TESC: variants seen among roughly 807,000 people sequenced by gnomAD.
TESC encodes the protein calcineurin B homologous protein 3.
TESC carries 19 observed loss-of-function variants against 31.0 expected under a neutral mutation model. The ratio of observed to expected loss-of-function variants is 0.61; its 90% CI spans 0.43 to 0.90. The LOEUF is 0.90. Among genes scored for constraint, TESC ranks in the 40% least tolerant of loss-of-function variants. The pLI, the probability that TESC is intolerant of heterozygous loss-of-function variation, is 0.00. For missense variants in TESC, 248 were observed against 303.8 expected, an observed-to-expected ratio of 0.82 and a Z score of 1.36; for synonymous variants, 109 against 114.8, an observed-to-expected ratio of 0.95 and a Z score of 0.32.
intron 1 of TESC, among the ~76,000 whole-genome samples, chr12:117,078,163 A>C (rs1955098687): frequency 6.6e-6 from 1 of 152,198 alleles, no homozygotes; most frequent in Admixed American, 6.5e-5. Context: ...ACTTGCCCTA[A>C]GTGACCATCA....
chr12:117,049,442 C>T (rs1954615655), intron 3 of TESC, among the ~76,000 whole-genome samples: 1 of 152,154 alleles, frequency 6.6e-6, no homozygotes, highest in Admixed American at 6.5e-5. Context: ...CAGAGGGATG[C>T]GTGGGTGTGT....
chr12:117,067,545 C>A (rs1292336608), intron 2 of TESC, among the ~76,000 whole-genome samples: 8 of 152,172 alleles, frequency 5.3e-5, no homozygotes, highest in Admixed American at 3.9e-4. Context: ...GCACCCCAGT[C>A]TGGACAACAG....
chr12:117,076,523 C>G (rs894421060), intron 1 of TESC, among the ~76,000 whole-genome samples: 5 of 152,026 alleles, frequency 3.3e-5, no homozygotes, highest in African/African-American at 1.2e-4. Flanking sequence ...CAGCTCATTG[C>G]CACCTCTGCC....
intron 2 of TESC, 29 bp from the exon 3 acceptor site, chr12:117,056,915 A>G: frequency 6.2e-7 from 1 of 1,610,916 alleles, no homozygotes; most frequent in Non-Finnish European, 8.5e-7. Flanking sequence ...AGATACCGGG[A>G]AGAGAATAAG....
chr12:117,096,397 G>A (rs1165634901), intron 1 of TESC, among the ~76,000 whole-genome samples: 1 of 152,144 alleles, frequency 6.6e-6, no homozygotes, highest in African/African-American at 2.4e-5. Flanking sequence ...CCCATGCCAA[G>A]CCGATCGTCT....
chr12:117,086,757 T>C (rs1955224581), intron 1 of TESC, among the ~76,000 whole-genome samples: 1 of 152,178 alleles, frequency 6.6e-6, no homozygotes, highest in Non-Finnish European at 1.5e-5. Context: ...AAATTTTATA[T>C]TACATGAATT....
At chr12:117,077,072 G>T (rs2135787991) in intron 1 of TESC, among the ~76,000 whole-genome samples, 1 of 152,272 alleles carries the variant, frequency 6.6e-6, no homozygotes, top group East Asian at 1.9e-4. Flanking sequence ...AATTTCTGGG[G>T]CCAACTGGTC....
rs185305793 is a variant in TESC at position 117,079,971 on chromosome 12, G to A, written c.59-4631C>T. Reference sequence around the variant, plus strand: ...GGCAGACATTAACTGAGCATTTACCGTTTCCTGGCCTCTGTGTTCAACTAC... The same window carrying A: ...GGCAGACATTAACTGAGCATTTACCATTTCCTGGCCTCTGTGTTCAACTAC... On this transcript the variant is annotated intron_variant, in intron 1 of 7. Transcript: ENST00000335209. 2.0e-5 allele frequency among the ~76,000 whole-genome samples: 3 copies of A among 152,216 alleles called. No homozygotes were observed. The East Asian group carries it at 5.8e-4, about 29-fold the overall frequency.
intron 1 of TESC, among the ~76,000 whole-genome samples, chr12:117,082,275 G>A (rs1391992187): frequency 4.0e-5 from 6 of 151,806 alleles, no homozygotes; most frequent in South Asian, 4.2e-4. Context: ...AAGCCGAGGC[G>A]GGTGGATCAC....
chr12:117,073,882 T>C (rs1955012924), intron 2 of TESC, among the ~76,000 whole-genome samples: 1 of 150,716 alleles, frequency 6.6e-6, no homozygotes, highest in South Asian at 2.1e-4. Flanking sequence ...GAGTTCAAGA[T>C]CACCCTGGGT....
chr12:117,038,967 G>C lies in TESC; in HGVS notation c.*166C>G. ...TTTTTTTTTATTGGAGATAAAAACA[G>C]CGAAGTCCCACATACCATACCCTAC... On this transcript the variant is annotated 3_prime_UTR_variant, in exon 8 of 8. Transcript: ENST00000335209. 1 of 561,276 alleles carries C rather than the reference G, an allele frequency of 1.8e-6. No homozygotes were observed. Among genetic ancestry groups the C allele is most frequent in the Non-Finnish European group, 3.0e-6 (1 of 328,504 alleles). 34.8% of individuals were successfully genotyped at this position (561,276 alleles called of 1,614,324 possible).
chr12:117,085,376 G>A (rs1009126809), intron 1 of TESC, among the ~76,000 whole-genome samples: 8 of 152,188 alleles, frequency 5.3e-5, no homozygotes, highest in Admixed American at 2.6e-4. Context: ...GTGTGGATGA[G>A]ACTGAGAGAC....
At chr12:117,059,234 G>A (rs1459044729) in intron 2 of TESC, among the ~76,000 whole-genome samples, 2 of 152,232 alleles carry the variant, frequency 1.3e-5, no homozygotes, top group African/African-American at 4.8e-5. Flanking sequence ...TGAACGCCTT[G>A]TGGCCCCTGT....
chr12:117,078,661 G>A (rs1208663453), intron 1 of TESC, among the ~76,000 whole-genome samples: 1 of 152,144 alleles, frequency 6.6e-6, no homozygotes, highest in Admixed American at 6.6e-5. Flanking sequence ...GCTACCAAGA[G>A]AGCACAACTC....
At chr12:117,089,361 G>T (rs1036236184) in intron 1 of TESC, among the ~76,000 whole-genome samples, 1 of 152,126 alleles carries the variant, frequency 6.6e-6, no homozygotes, top group African/African-American at 2.4e-5. Context: ...TAGGGGGAAG[G>T]GCCAAGGGGA....
In TESC at chr12:117,039,184, G is replaced by A. The variant is rs1246269055; in HGVS notation, c.594C>T (p.Thr198=). 1.9e-6 allele frequency: 3 copies of A among 1,614,042 alleles called. No individual in the cohort carries two copies. Among genetic ancestry groups the A allele is most frequent in the East Asian group, 4.5e-5 (2 of 44,862 alleles). ...LKIWQGIDIE[T]KMHVRFLNME... is the part of the protein sequence containing the mutation. ...TGTTAAGGAAGCGGACGTGCATCTT[G>A]GTCTCAATGTCGATCCCCTGCCAGA... The change falls in exon 8 of 8, where the codon ACC becomes ACT. Residue 198 remains threonine, a synonymous_variant. Transcript: ENST00000335209.
intron 3 of TESC, among the ~76,000 whole-genome samples, chr12:117,049,527 T>C (rs1218006806): frequency 3.3e-5 from 5 of 152,214 alleles, no homozygotes; most frequent in Non-Finnish European, 7.3e-5. Flanking sequence ...TCCTGATCCT[T>C]TCCTTTAGCT....
At chr12:117,099,134 G>A (rs1159839911) in intron 1 of TESC, 91 bp downstream of exon 1, 18 of 1,365,890 alleles carry the variant, frequency 1.3e-5, no homozygotes, top group Non-Finnish European at 1.4e-5. Context: ...CTGGCCCAAG[G>A]TCACACAGCG....
chr12:117,046,586 C>A lies in TESC; in HGVS notation c.492G>T (p.Glu164Asp), dbSNP rs754426994. Reference sequence around the variant, plus strand: ...TCTGCCCCATGCACACGCTGGCCGCCTCCATCATGGCCCCGTCGGCGATGG... The same window carrying A: ...TCTGCCCCATGCACACGCTGGCCGCATCCATCATGGCCCCGTCGGCGATGG... Reference protein sequence around the residue: ...ARSIADGAMMEAASVCMGQME... With the variant: ...ARSIADGAMMDAASVCMGQME... Residue 164 changes from glutamate to aspartate, a missense_variant, in exon 6 of 8, where the codon GAG becomes GAT. By Grantham distance (45) the Glu-to-Asp change is conservative. Coordinates refer to ENST00000335209, the MANE Select transcript of TESC (RefSeq NM_017899.4). 6.4e-7 allele frequency: 1 copy of A among 1,551,124 alleles called. No homozygotes were observed. The highest frequency in any genetic ancestry group is 1.2e-5 in the South Asian group (1 of 84,056).
Sources: allele counts gnomAD v4.1 joint callset (sites outside exome capture counted in the v4.1 genomes callset), GRCh38; gene constraint gnomAD v4.1.1; transcripts MANE v1.5; gene names NCBI Gene and HGNC (gene_info 2026-07-23, HGNC 2026-07-21).